Variants in FAM78B observed in about 807,000 individuals in gnomAD.
The protein encoded by FAM78B is protein FAM78B.
FAM78B carries 10 observed loss-of-function variants against 20.0 expected under a neutral mutation model. That is an observed-to-expected ratio of 0.50 (90% CI 0.31 to 0.85). The LOEUF is 0.85. FAM78B is among the 40% of genes least tolerant of loss of function. The pLI is 0.05. For missense variants in FAM78B, 283 were observed against 345.0 expected, an observed-to-expected ratio of 0.82 and a Z score of 1.42; for synonymous variants, 135 against 132.8, an observed-to-expected ratio of 1.02 and a Z score of -0.12.
chr1:166,066,428 C>T (rs909068240), downstream of FAM78B, among the ~76,000 whole-genome samples: 2 of 151,652 alleles, frequency 1.3e-5, no homozygotes, highest in African/African-American at 2.4e-5. Context: ...CTAGCTTTCT[C>T]CTTTCCTTCC....
chr1:166,124,042 A>C (rs10918372), intron 1 of FAM78B, among the ~76,000 whole-genome samples: 24,750 of 152,114 alleles, frequency 0.16, 2,187 homozygotes, highest in East Asian at 0.27. Context: ...AAAGCCCCTC[A>C]TGATCTGACC....
chr1:166,152,284 G>A (rs960240345), intron 1 of FAM78B, among the ~76,000 whole-genome samples: 4 of 152,204 alleles, frequency 2.6e-5, no homozygotes, highest in Non-Finnish European at 5.9e-5. Context: ...CAGGGATAGG[G>A]ATGGGAGCAG....
At chr1:166,164,449 G>A (rs1261626495) in intron 1 of FAM78B, among the ~76,000 whole-genome samples, 3 of 152,218 alleles carry the variant, frequency 2.0e-5, no homozygotes, top group Non-Finnish European at 1.5e-5. Context: ...TAAATGGCAT[G>A]ATTCGCCCCA....
At position 166,070,044 on chromosome 1, in the gene FAM78B, A is replaced by G; in HGVS notation, c.*197T>C. 2 of 1,257,978 alleles carry G rather than the reference A, an allele frequency of 1.6e-6. No homozygotes were observed. The highest frequency in any genetic ancestry group is 2.0e-6 in the Non-Finnish European group (2 of 998,374). The allele number at this position is 1,257,978 out of a possible 1,614,324, so 77.9% of individuals were successfully genotyped here. On this transcript the variant is annotated 3_prime_UTR_variant, in exon 2 of 2. Transcript: ENST00000354422. The stretch of plus-strand genomic sequence containing the variant: ...TCAAATCAGTGATTTCTTTATTCCT[A>G]AGAGGAAGGGATTTTTCCTAAGGAT...
chr1:166,073,845 A>ATCTT (rs1401812954), intron 1 of FAM78B, among the ~76,000 whole-genome samples: 2 of 152,168 alleles, frequency 1.3e-5, no homozygotes, highest in African/African-American at 4.8e-5. Context: ...AGTAAGGGCC[A>ATCTT]TCTTTGGCTC....
At chr1:166,071,080 GA>G (rs1460145428) in intron 1 of FAM78B, among the ~76,000 whole-genome samples, 3 of 152,182 alleles carry the variant, frequency 2.0e-5, no homozygotes, top group Admixed American at 2.0e-4. Flanking sequence ...CAGCAGTTTA[GA>G]GGAATTCCAT....
rs114810365 is a variant in FAM78B, at chr1:166,126,983, A to G, written c.263+39003T>C. The stretch of plus-strand genomic sequence containing the variant: ...AGGACCTAAGACTCAGATATTTGTG[A>G]TCTGGAAGGAATCCAAGAGATCTCA... On this transcript the variant is annotated intron_variant, in intron 1 of 1. Coordinates refer to ENST00000354422, the MANE Select transcript of FAM78B (RefSeq NM_001017961.5). 2.7e-3 allele frequency among the ~76,000 whole-genome samples: 413 copies of G among 152,304 alleles called. 6 individuals carry two copies. Among genetic ancestry groups the G allele is most frequent in the African/African-American group, 9.5e-3 (396 of 41,550 alleles).
chr1:166,091,614 G>T (rs925080602), intron 1 of FAM78B, among the ~76,000 whole-genome samples: 4 of 152,164 alleles, frequency 2.6e-5, no homozygotes, highest in Non-Finnish European at 5.9e-5. Flanking sequence ...CATGAGGACA[G>T]ACTAATACAG....
chr1:166,119,532 A>G (rs896510117), intron 1 of FAM78B, among the ~76,000 whole-genome samples: 15 of 152,292 alleles, frequency 9.8e-5, no homozygotes, highest in African/African-American at 3.6e-4. Flanking sequence ...CAATCAGCCC[A>G]TTAGCATGCT....
At chr1:166,098,883 G>A (rs754233183) in intron 1 of FAM78B, among the ~76,000 whole-genome samples, 2 of 152,104 alleles carry the variant, frequency 1.3e-5, no homozygotes, top group Non-Finnish European at 2.9e-5. Context: ...CCAAATACAA[G>A]GAGCACAAAG....
At chr1:166,159,180 C>T (rs1267567477) in intron 1 of FAM78B, among the ~76,000 whole-genome samples, 1 of 152,256 alleles carries the variant, frequency 6.6e-6, no homozygotes, top group Non-Finnish European at 1.5e-5. Context: ...TAACTACTAA[C>T]TTTTCTTGTG....
intron 1 of FAM78B, among the ~76,000 whole-genome samples, chr1:166,112,984 G>C (rs1025826635): frequency 3.3e-5 from 5 of 152,204 alleles, no homozygotes; most frequent in African/African-American, 1.2e-4. Flanking sequence ...AGCTAAGTTA[G>C]AGAGATGAGA....
Position 166,143,081 on chromosome 1 carries a change from A to G in FAM78B, c.263+22905T>C, listed in dbSNP as rs564417573. Among the ~76,000 whole-genome samples, 180 of 152,352 alleles carry G rather than the reference A, an allele frequency of 1.2e-3. 2 individuals carry two copies. The highest frequency in any genetic ancestry group is 2.9e-3 in the South Asian group (14 of 4,834). ...GTTGGGCAAATTAGGTAATTTCTCT[A>G]TGTCTCAATTTCCTCATCTTTAAGT... On this transcript the variant is annotated intron_variant, in intron 1 of 1. Transcript: ENST00000354422.
chr1:166,129,128 T>C (rs1261998310), intron 1 of FAM78B, among the ~76,000 whole-genome samples: 1 of 152,156 alleles, frequency 6.6e-6, no homozygotes, highest in Non-Finnish European at 1.5e-5. Flanking sequence ...GTGTGAGCAG[T>C]GGCAGAAGGC....
intron 1 of FAM78B, among the ~76,000 whole-genome samples, chr1:166,106,888 T>C (rs915857404): frequency 4.6e-5 from 7 of 151,972 alleles, no homozygotes; most frequent in Non-Finnish European, 8.8e-5. Context: ...AAGTTGAAGT[T>C]ATATCAAAAA....
chr1:166,078,343 T>C (rs979982241), intron 1 of FAM78B, among the ~76,000 whole-genome samples: 1 of 152,128 alleles, frequency 6.6e-6, no homozygotes, highest in African/African-American at 2.4e-5. Flanking sequence ...ATATTAGTTA[T>C]TATCTAATTC....
At chr1:166,081,183 AGT>A (rs1315535376) in intron 1 of FAM78B, 1 of 152,142 alleles carries the variant, frequency 6.6e-6, no homozygotes, top group Non-Finnish European at 1.5e-5. Flanking sequence ...GATCATTTGC[AGT>A]GTTTTTCAAG....
intron 1 of FAM78B, among the ~76,000 whole-genome samples, chr1:166,083,254 A>T (rs1036844570): frequency 3.3e-5 from 5 of 152,178 alleles, no homozygotes; most frequent in Non-Finnish European, 7.3e-5. Flanking sequence ...TATTCTCATT[A>T]AAAAAATTAA....
intron 1 of FAM78B, among the ~76,000 whole-genome samples, chr1:166,094,003 CTGTGTGTGTG>C (rs58213930): frequency 1.1e-4 from 14 of 125,594 alleles, no homozygotes; most frequent in South Asian, 3.3e-4. Flanking sequence ...TTGCGAATGA[CTGTGTGTGTG>C]TGTGTGTGTG....
Sources: gnomAD v4.1 joint callset for allele counts (sites outside exome capture counted in the v4.1 genomes callset) on GRCh38, gnomAD v4.1.1 for gene constraint, MANE v1.5 for transcripts, NCBI Gene and HGNC (gene_info 2026-07-23, HGNC 2026-07-21) for gene names.